NALF1: variants seen among roughly 807,000 people sequenced by gnomAD.
NALF1 encodes family with sequence similarity 155 member A.
A neutral mutation model predicts 48.4 loss-of-function variants in NALF1; 3 were observed. That is an observed-to-expected ratio of 0.06 (90% confidence interval 0.03 to 0.16). The LOEUF (loss-of-function observed/expected upper bound fraction) is 0.16. Ranked by LOEUF, NALF1 falls within the 10% of genes least tolerant of loss-of-function variation. The probability of loss-of-function intolerance (pLI) is 1.00; values close to 1 mark genes in which losing one functional copy is unlikely to be tolerated. For synonymous variants in NALF1, 262 were observed against 245.7 expected, an observed-to-expected ratio of 1.07 and a Z score of -0.62; for missense variants, 526 against 571.5, an observed-to-expected ratio of 0.92 and a Z score of 0.81.
intron 1 of NALF1, among the ~76,000 whole-genome samples, chr13:107,455,923 T>C (rs573677153): frequency 1.8e-4 from 27 of 152,176 alleles, no homozygotes; most frequent in Non-Finnish European, 3.2e-4. Context: ...AGTTTACCCA[T>C]TGAAAGGTAT....
At chr13:107,686,063 C>T (rs1164266759) in intron 1 of NALF1, among the ~76,000 whole-genome samples, 1 of 152,208 alleles carries the variant, frequency 6.6e-6, no homozygotes. Flanking sequence ...AGCAGCTGGG[C>T]CTCGAGGGGA....
intron 1 of NALF1, among the ~76,000 whole-genome samples, chr13:107,495,158 CA>C (rs1400024890): frequency 6.6e-6 from 1 of 152,126 alleles, no homozygotes; most frequent in African/African-American, 2.4e-5. Flanking sequence ...CTAGTTTGAA[CA>C]AAAGGGAAAA....
intron 1 of NALF1, among the ~76,000 whole-genome samples, chr13:107,248,638 G>T (rs1880633619): frequency 6.7e-6 from 1 of 150,194 alleles, no homozygotes; most frequent in African/African-American, 2.5e-5. Flanking sequence ...GTAAAATTCA[G>T]TTCCTCAGTT....
intron 1 of NALF1, among the ~76,000 whole-genome samples, chr13:107,400,435 G>A (rs754282871): frequency 3.3e-5 from 5 of 152,040 alleles, no homozygotes; most frequent in African/African-American, 1.2e-4. Flanking sequence ...ATGTTGTAAG[G>A]GTGGGCGTGA....
At chr13:107,563,563 C>A (rs1231803271) in intron 1 of NALF1, among the ~76,000 whole-genome samples, 1 of 152,154 alleles carries the variant, frequency 6.6e-6, no homozygotes, top group East Asian at 1.9e-4. Context: ...ATTTGCAAAG[C>A]TGATTTTGTA....
chr13:107,303,376 T>G (rs1300620220), intron 1 of NALF1, among the ~76,000 whole-genome samples: 1 of 152,224 alleles, frequency 6.6e-6, no homozygotes, highest in Non-Finnish European at 1.5e-5. Flanking sequence ...AATGTATGTT[T>G]TATTTACTTC....
intron 1 of NALF1, among the ~76,000 whole-genome samples, chr13:107,499,967 C>A (rs375242698): frequency 2.0e-5 from 3 of 151,998 alleles, no homozygotes; most frequent in African/African-American, 7.2e-5. Context: ...CCATTTAAAA[C>A]GTCAGATATA....
At position 107,170,630 on chromosome 13, in the gene NALF1, C is replaced by T. The variant is rs1396585427; in HGVS notation, c.1244G>A (p.Ser415Asn). The T allele has an allele frequency of 5.6e-6, 9 of 1,614,080 alleles. No homozygotes were observed. Among genetic ancestry groups the T allele is most frequent in the Non-Finnish European group, 7.6e-6 (9 of 1,180,040 alleles). The change falls in exon 3 of 3, where the codon AGC (serine) becomes AAC (asparagine). Residue 415 changes from serine (S) to asparagine (N), a missense_variant. Ser to Asn is a conservative substitution (Grantham distance 46, BLOSUM62 1). Around this residue, in one of 2 missense-constraint regions of NALF1, gnomAD observed 153 missense variants for 215.9 expected, o/e 0.71. Coordinates refer to ENST00000375915, the MANE Select transcript of NALF1 (RefSeq NM_001080396.3). Reference sequence around the variant, plus strand: ...TACAAGAACACACAGCTTGAGTCTGCTGTTGCACAGTCTTGTTGCTGATGA... The same window carrying T: ...TACAAGAACACACAGCTTGAGTCTGTTGTTGCACAGTCTTGTTGCTGATGA... ...TVSSATRLCNSRLKLCVLVLI... is the reference protein window; with the variant it reads ...TVSSATRLCNNRLKLCVLVLI...
At chr13:107,398,778 T>G (rs1883755960) in intron 1 of NALF1, among the ~76,000 whole-genome samples, 1 of 152,152 alleles carries the variant, frequency 6.6e-6, no homozygotes, top group South Asian at 2.1e-4. Flanking sequence ...AAGAATGAAT[T>G]GATGGTTAGG....
At chr13:107,346,171 G>C (rs75282856) in intron 1 of NALF1, among the ~76,000 whole-genome samples, 119 of 146,882 alleles carry the variant, frequency 8.1e-4, no homozygotes, top group African/African-American at 2.8e-3. Flanking sequence ...TGTTGGGGGC[G>C]GGGGGGCAGA....
chr13:107,733,660 A>G (rs543193211), intron 1 of NALF1, among the ~76,000 whole-genome samples: 32 of 152,214 alleles, frequency 2.1e-4, no homozygotes, highest in Non-Finnish European at 4.0e-4. Flanking sequence ...TCTAATCTAC[A>G]TAATGAAAAT....
intron 1 of NALF1, among the ~76,000 whole-genome samples, chr13:107,445,535 G>A (rs1313508417): frequency 6.6e-6 from 1 of 152,152 alleles, no homozygotes; most frequent in Admixed American, 6.5e-5. Context: ...TGCGTGTACA[G>A]GTATTTGTGT....
intron 1 of NALF1, among the ~76,000 whole-genome samples, chr13:107,383,715 C>G (rs188679465): frequency 8.0e-4 from 122 of 152,298 alleles, no homozygotes; most frequent in African/African-American, 2.9e-3. Flanking sequence ...CACCAGAAGA[C>G]CAATTTGCCT....
At chr13:107,805,753 T>A (rs992158702) in intron 1 of NALF1, among the ~76,000 whole-genome samples, 2 of 152,182 alleles carry the variant, frequency 1.3e-5, no homozygotes, top group African/African-American at 4.8e-5. Context: ...TTTTCTACAA[T>A]CTTGGAAGTC....
At chr13:107,387,436 G>A (rs1488071633) in intron 1 of NALF1, among the ~76,000 whole-genome samples, 4 of 152,170 alleles carry the variant, frequency 2.6e-5, no homozygotes. Flanking sequence ...TGCATTTAAC[G>A]AGTTACTGTC....
intron 1 of NALF1, among the ~76,000 whole-genome samples, chr13:107,421,034 G>T (rs1371570366): frequency 6.6e-6 from 1 of 152,082 alleles, no homozygotes; most frequent in Admixed American, 6.6e-5. Flanking sequence ...GGGAGTTTTG[G>T]TTGGTTTTAA....
At chr13:107,239,354 C>T (rs1450402605) in intron 1 of NALF1, among the ~76,000 whole-genome samples, 2 of 152,164 alleles carry the variant, frequency 1.3e-5, no homozygotes, top group Non-Finnish European at 2.9e-5. Flanking sequence ...CCCTGGTTTG[C>T]AGGTGCTTCA....
At chr13:107,316,121 C>T (rs185332672) in intron 1 of NALF1, among the ~76,000 whole-genome samples, 492 of 152,084 alleles carry the variant, frequency 3.2e-3, no homozygotes, top group Non-Finnish European at 5.8e-3. Context: ...TTGTTCAATT[C>T]CCACCAACGA....
At chr13:107,653,641 C>A (rs1405281288) in intron 1 of NALF1, among the ~76,000 whole-genome samples, 1 of 151,872 alleles carries the variant, frequency 6.6e-6, no homozygotes, top group Non-Finnish European at 1.5e-5. Context: ...TACCACGGTG[C>A]ACAAAAAGAA....
Sources: allele counts gnomAD v4.1 joint callset (sites outside exome capture counted in the v4.1 genomes callset), GRCh38; gene constraint gnomAD v4.1.1; regional missense constraint gnomAD v4.1.1; transcripts MANE v1.5; gene names NCBI Gene and HGNC (gene_info 2026-07-23, HGNC 2026-07-21).